The following ZNF134 variants were observed in gnomAD, a reference collection of about 807,000 sequenced individuals.
ZNF134 encodes the protein zinc finger protein 134 (clone pHZ-15).
ZNF134 carries 5 observed loss-of-function variants against 2.5 expected under a neutral mutation model. The observed-to-expected ratio is 2.03, with a 90% CI of 1.06 to 4.27. The LOEUF (loss-of-function observed/expected upper bound fraction) is 4.27. ZNF134 is among the 30% of genes most tolerant of loss of function. The pLI, the probability that ZNF134 is intolerant of heterozygous loss-of-function variation, is 0.00. For missense variants in ZNF134, 540 were observed against 517.5 expected (o/e 1.04, Z -0.42); for synonymous variants, 176 against 176.2 (o/e 1.00, Z 0.01).
rs146074109 is a variant in ZNF134 at position 57,616,293 on chromosome 19, T to C, written c.-58+1790T>C. Among the ~76,000 whole-genome samples the C allele has an allele frequency of 2.0e-3, 310 of 152,366 alleles. 2 individuals carry two copies. Among genetic ancestry groups the C allele is most frequent in the African/African-American group, 6.9e-3 (285 of 41,588 alleles). On this transcript the variant is annotated intron_variant, in intron 1 of 2. Coordinates refer to ENST00000396161, the MANE Select transcript of ZNF134 (RefSeq NM_003435.5). The stretch of plus-strand genomic sequence containing the variant: ...CGCAGAAGGAACTAAAAAATGTATG[T>C]ACAAAGTAAGGGAAATTTATACTAG...
intron 1 of ZNF134, among the ~76,000 whole-genome samples, chr19:57,619,185 C>A (rs895735792): frequency 1.3e-5 from 2 of 152,174 alleles, no homozygotes; most frequent in Non-Finnish European, 2.9e-5. Flanking sequence ...CACCTCTGGA[C>A]TCCAGGCTCC....
Position 57,622,956 on chromosome 19 carries a change from GAT to G in ZNF134, c.*1555_*1556del, listed in dbSNP as rs1279407854. 1 of 82,498 alleles carries G rather than the reference GAT, an allele frequency of 1.2e-5. No homozygotes were observed. The highest frequency in any genetic ancestry group is 2.3e-5 in the Non-Finnish European group (1 of 42,874). The allele number at this position is 82,498 out of a possible 1,614,324, so 5.1% of individuals were successfully genotyped here. A position where few individuals can be genotyped will look rare whatever the true frequency, so the allele number is the denominator to read the frequency against. On this transcript the variant is annotated 3_prime_UTR_variant, in exon 3 of 3. Transcript: ENST00000396161. ...ATTTAAAGTGTACGAGTTAAGTCTT[GAT>G]ACACACACACACACACACACACACA...
Position 57,621,281 on chromosome 19 carries a change from G to A in ZNF134, c.1162G>A (p.Val388Ile), listed in dbSNP as rs1981211437. 1 of 1,613,932 alleles carries A rather than the reference G, an allele frequency of 6.2e-7. No individual in the cohort carries two copies. The highest frequency in any genetic ancestry group is 8.5e-7 in the Non-Finnish European group (1 of 1,179,980). The change falls in exon 3 of 3, where the codon GTT (valine) becomes ATT (isoleucine). Residue 388 changes from valine to isoleucine, a missense_variant. By Grantham distance (29) the Val-to-Ile change is conservative. Transcript: ENST00000396161. ...GKDFIRTSHL[V>I]RHQRVHTGER... ...AGACTTTATCAGAACCTCCCACCTTGTTCGACACCAAAGAGTTCACACTGG... is the reference window on the plus strand; with the variant it reads ...AGACTTTATCAGAACCTCCCACCTTATTCGACACCAAAGAGTTCACACTGG...
rs373444565 is a variant in ZNF134, at chr19:57,621,534, T to A, written c.*131T>A. On this transcript the variant is annotated 3_prime_UTR_variant, in exon 3 of 3. Transcript: ENST00000396161. ...CTAGGGATATGTTGCACTTTCTGACTTGCTCAGGTTTTTTGCCAGAGTTAT... is the reference window on the plus strand; with the variant it reads ...CTAGGGATATGTTGCACTTTCTGACATGCTCAGGTTTTTTGCCAGAGTTAT... 3 of 1,442,966 alleles carry A rather than the reference T, an allele frequency of 2.1e-6. No individual in the cohort carries two copies. Among genetic ancestry groups the A allele is most frequent in the Non-Finnish European group, 2.9e-6 (3 of 1,038,600 alleles). The allele number at this position is 1,442,966 out of a possible 1,614,324, so 89.4% of individuals were successfully genotyped here. A position where few individuals can be genotyped will look rare whatever the true frequency, so the allele number is the denominator to read the frequency against.
At chr19:57,617,420 G>A (rs1467838845) in intron 1 of ZNF134, among the ~76,000 whole-genome samples, 2 of 152,206 alleles carry the variant, frequency 1.3e-5, no homozygotes, top group Non-Finnish European at 2.9e-5. Context: ...TGTGGAAGAT[G>A]AGAAAGAAAA....
chr19:57,617,975 C>T (rs1336860651), intron 1 of ZNF134, among the ~76,000 whole-genome samples: 1 of 152,178 alleles, frequency 6.6e-6, no homozygotes, highest in Non-Finnish European at 1.5e-5. Context: ...CTCAGGCTTC[C>T]ATGGTGACCT....
At position 57,623,180 on chromosome 19, in the gene ZNF134, A is replaced by C. The variant is rs1981280756; in HGVS notation, c.*1777A>C. The C allele has an allele frequency of 6.6e-6, 1 of 152,156 alleles. No individual in the cohort carries two copies. 9.4% of individuals were successfully genotyped at this position (152,156 alleles called of 1,614,324 possible). A position where few individuals can be genotyped will look rare whatever the true frequency, so the allele number is the denominator to read the frequency against. On this transcript the variant is annotated 3_prime_UTR_variant, in exon 3 of 3. Coordinates refer to ENST00000396161, the MANE Select transcript of ZNF134 (RefSeq NM_003435.5). ...TATGTAAGTCTGCCTATAAAGTGTT[A>C]ATTTTGCATGCTGTCTTTCATGCAA...
rs1195457639 is a variant in ZNF134 at position 57,623,685 on chromosome 19, A to G, written c.*2282A>G. The G allele has an allele frequency of 6.6e-6, 1 of 152,276 alleles. No individual in the cohort carries two copies. The highest frequency in any genetic ancestry group is 2.4e-5 in the African/African-American group (1 of 41,468). The allele number at this position is 152,276 out of a possible 1,614,324, so 9.4% of individuals were successfully genotyped here. ...AAAACATACATCAGAACACTGTCAC[A>G]CAAAAAGCTCTTTGAAGAGATTAAA... is the stretch of plus-strand genomic sequence containing the variant. On this transcript the variant is annotated 3_prime_UTR_variant, in exon 3 of 3. Transcript: ENST00000396161.
intron 1 of ZNF134, among the ~76,000 whole-genome samples, chr19:57,614,897 G>C (rs9676267): frequency 0.12 from 18,918 of 152,146 alleles, 2,301 homozygotes; most frequent in African/African-American, 0.31. Flanking sequence ...GCAAGGAGAC[G>C]TTTGAGGAGG....
At position 57,620,263 on chromosome 19, in the gene ZNF134, G is replaced by T; in HGVS notation, c.144G>T (p.Thr48=). Residue 48 remains threonine (T), a synonymous_variant, in exon 3 of 3, where the codon ACG becomes ACT. Coordinates refer to ENST00000396161, the MANE Select transcript of ZNF134 (RefSeq NM_003435.5). The part of the protein sequence containing the change: ...NTSKAGLPAQ[T]ALPCDICGPI... ...CCAAGGCAGGTTTGCCCGCACAGAC[G>T]GCTCTCCCTTGTGACATATGTGGCC... 4 of 1,614,114 alleles carry T rather than the reference G, an allele frequency of 2.5e-6. No homozygotes were observed. Among genetic ancestry groups the T allele is most frequent in the Non-Finnish European group, 3.4e-6 (4 of 1,180,026 alleles).
In ZNF134 at chr19:57,619,508, G is replaced by A. The variant is rs758420614; in HGVS notation, c.40G>A (p.Gly14Ser). ...AGCAGGAGGGGCTTGGACAGGCCCT[G>A]GTGAGTGGGAGCTGAGGGACGCCAT... ...VTAGGAWTGP[G>S]CWHEVKDEES... The change falls in exon 2 of 3, where the codon GGT (glycine) becomes AGT (serine). Residue 14 changes from glycine (G) to serine (S), a missense_variant and splice_region_variant. By Grantham distance (56) the Gly-to-Ser change is moderately conservative. Coordinates refer to ENST00000396161, the MANE Select transcript of ZNF134 (RefSeq NM_003435.5). 1.9e-6 allele frequency: 3 copies of A among 1,601,470 alleles called. No homozygotes were observed. The Admixed American group carries it at 5.2e-5, about 28-fold the overall frequency.
rs569153292 is a variant in ZNF134 at position 57,621,582 on chromosome 19, G to A, written c.*179G>A. ...TATGTCACTGTCAATCCATGTGGCC[G>A]AAACCATCTTAACTCTACCAGCTAA... On this transcript the variant is annotated 3_prime_UTR_variant, in exon 3 of 3. Coordinates refer to ENST00000396161, the MANE Select transcript of ZNF134 (RefSeq NM_003435.5). 3.1e-4 allele frequency: 297 copies of A among 955,684 alleles called. No individual in the cohort carries two copies. Among genetic ancestry groups the A allele is most frequent in the Middle Eastern group, 6.2e-4 (3 of 4,814 alleles). 59.2% of individuals were successfully genotyped at this position (955,684 alleles called of 1,614,324 possible).
At position 57,622,100 on chromosome 19, in the gene ZNF134, A is replaced by C. The variant is rs1256234748; in HGVS notation, c.*697A>C. 2 of 158,538 alleles carry C rather than the reference A, an allele frequency of 1.3e-5. No individual in the cohort carries two copies. The highest frequency in any genetic ancestry group is 4.8e-5 in the African/African-American group (2 of 41,460). The allele number at this position is 158,538 out of a possible 1,614,324, so 9.8% of individuals were successfully genotyped here. A position where few individuals can be genotyped will look rare whatever the true frequency, so the allele number is the denominator to read the frequency against. ...ACTTCCATAGCTGACAAAGCTTGTT[A>C]AGTAAGAATTAAGATCTTGTGTAGA... On this transcript the variant is annotated 3_prime_UTR_variant, in exon 3 of 3. Transcript: ENST00000396161.
At chr19:57,616,877 T>C (rs1981064897) in intron 1 of ZNF134, among the ~76,000 whole-genome samples, 1 of 152,186 alleles carries the variant, frequency 6.6e-6, no homozygotes, top group Admixed American at 6.5e-5. Flanking sequence ...GATAGTGTTC[T>C]GGGACTCTTC....
rs1981308017 is a variant in ZNF134, at chr19:57,624,031, G to A, written c.*2628G>A. 1 of 152,262 alleles carries A rather than the reference G, an allele frequency of 6.6e-6. No homozygotes were observed. Among genetic ancestry groups the A allele is most frequent in the Non-Finnish European group, 1.5e-5 (1 of 68,084 alleles). 9.4% of individuals were successfully genotyped at this position (152,262 alleles called of 1,614,324 possible). Reference sequence around the variant, plus strand: ...GCTGCGGAAACAGGTGCAAGCCCTTGCTACCTTTCATGAGAAAGGAAGGAT... The same window carrying A: ...GCTGCGGAAACAGGTGCAAGCCCTTACTACCTTTCATGAGAAAGGAAGGAT... On this transcript the variant is annotated 3_prime_UTR_variant, in exon 3 of 3. Coordinates refer to ENST00000396161, the MANE Select transcript of ZNF134 (RefSeq NM_003435.5).
chr19:57,614,508 G>GTGC lies in ZNF134; in HGVS notation c.-58+9_-58+11dup, dbSNP rs1396444920. 2.8e-6 allele frequency: 1 copy of GTGC among 362,434 alleles called. No individual in the cohort carries two copies. Among genetic ancestry groups the GTGC allele is most frequent in the Non-Finnish European group, 5.4e-6 (1 of 185,324 alleles). The allele number at this position is 362,434 out of a possible 1,614,324, so 22.5% of individuals were successfully genotyped here. ...GCGGTGATGGGCCCGGCGCAGGTGG[G>GTGC]TGCTGCCTTTCCCAGACTTTCGCCC... On this transcript the variant is annotated splice_donor_region_variant and intron_variant, in intron 1 of 2. Transcript: ENST00000396161.
At chr19:57,614,566 C>T in intron 1 of ZNF134, 63 bp downstream of exon 1, 1 of 344,768 alleles carries the variant, frequency 2.9e-6, no homozygotes, top group Non-Finnish European at 5.7e-6. Flanking sequence ...ATGAGGAGCG[C>T]CTGTCTGAGT....
chr19:57,618,143 A>G (rs1329657675), intron 1 of ZNF134, among the ~76,000 whole-genome samples: 1 of 152,200 alleles, frequency 6.6e-6, no homozygotes, highest in African/African-American at 2.4e-5. Context: ...CAGTAGTACA[A>G]CAACAAAGCA....
In ZNF134 at chr19:57,621,282, T is replaced by G; in HGVS notation, c.1163T>G (p.Val388Gly). ...GKDFIRTSHL[V>G]RHQRVHTGER... ...GACTTTATCAGAACCTCCCACCTTG[T>G]TCGACACCAAAGAGTTCACACTGGA... The change falls in exon 3 of 3, where the codon GTT (valine) becomes GGT (glycine). Residue 388 changes from valine to glycine, a missense_variant. By Grantham distance (109) the Val-to-Gly change is moderately radical. Transcript: ENST00000396161. The G allele has an allele frequency of 6.2e-7, 1 of 1,614,068 alleles. No homozygotes were observed. Among genetic ancestry groups the G allele is most frequent in the South Asian group, 1.1e-5 (1 of 91,084 alleles).
Sources: allele counts gnomAD v4.1 joint callset (sites outside exome capture counted in the v4.1 genomes callset), GRCh38; gene constraint gnomAD v4.1.1; transcripts MANE v1.5; gene names NCBI Gene and HGNC (gene_info 2026-07-23, HGNC 2026-07-21).